Variants in TCFL5 observed in about 807,000 individuals in gnomAD.
The protein encoded by TCFL5 is transcription factor like 5, also known as transcription factor-like 5 protein.
TCFL5 carries 9 observed loss-of-function variants against 44.3 expected under a neutral mutation model. The ratio of observed to expected loss-of-function variants is 0.20; its 90% CI spans 0.12 to 0.35. The LOEUF is 0.35. Ranked by LOEUF, TCFL5 falls within the 10% of genes least tolerant of loss-of-function variation. TCFL5 has a pLI of 1.00. For missense variants in TCFL5, 603 were observed against 613.4 expected (o/e 0.98, Z 0.18); for synonymous variants, 319 against 271.6 (o/e 1.17, Z -1.72).
intron 5 of TCFL5, 58 bp downstream of exon 5, chr20:62,853,958 G>A: frequency 2.5e-6 from 4 of 1,578,626 alleles, no homozygotes; most frequent in Non-Finnish European, 3.5e-6. Flanking sequence ...GGAAAAAGGA[G>A]GGACATTGTT....
Position 62,857,351 on chromosome 20 carries a change from G to A in TCFL5, c.1238+44C>T, listed in dbSNP as rs755878536. On this transcript the variant is annotated intron_variant, in intron 4 of 5. Coordinates refer to ENST00000335351, the MANE Select transcript of TCFL5 (RefSeq NM_006602.4). Reference sequence around the variant, plus strand: ...TCTGTGATAACCATGTATGACTAAGGTAATCATATATGAGTCAGCCTGACA... The same window carrying A: ...TCTGTGATAACCATGTATGACTAAGATAATCATATATGAGTCAGCCTGACA... The A allele has an allele frequency of 4.4e-6, 7 of 1,594,672 alleles. No individual in the cohort carries two copies. The Admixed American group carries it at 1.2e-4, about 27-fold the overall frequency.
At chr20:62,850,801 G>A (rs1055022812) in intron 5 of TCFL5, among the ~76,000 whole-genome samples, 5 of 152,182 alleles carry the variant, frequency 3.3e-5, no homozygotes, top group Admixed American at 1.3e-4. Flanking sequence ...CTCTGCAGCC[G>A]GCAGGTCCTG....
At chr20:62,846,657 T>C (rs540857563) in intron 5 of TCFL5, among the ~76,000 whole-genome samples, 1 of 150,978 alleles carries the variant, frequency 6.6e-6, no homozygotes, top group South Asian at 2.1e-4. Flanking sequence ...TCCTAGCTAC[T>C]CGGGAGGCTG....
At position 62,842,130 on chromosome 20, in the gene TCFL5, A is replaced by T; in HGVS notation, c.1381-33T>A. 6.2e-7 allele frequency: 1 copy of T among 1,612,636 alleles called. No homozygotes were observed. On this transcript the variant is annotated intron_variant, in intron 5 of 5. Coordinates refer to ENST00000335351, the MANE Select transcript of TCFL5 (RefSeq NM_006602.4). This position sits in a 1 kb window ranked among gnomAD's most constrained non-coding sequence, Gnocchi z 4.3. ...GAAGAAGTGACGGTTAACATACTGAATTAACTGACATGAAAACTGCTGTCT... is the reference window on the plus strand; with the variant it reads ...GAAGAAGTGACGGTTAACATACTGATTTAACTGACATGAAAACTGCTGTCT...
chr20:62,842,194 T>G lies in TCFL5; in HGVS notation c.1381-97A>C. ...AGGTTCAAATTAAGAGCTAAGTAAA[T>G]GACTTTAGAATACGCTGTTTTAAGG... On this transcript the variant is annotated intron_variant, in intron 5 of 5. Transcript: ENST00000335351. This position sits in a 1 kb window ranked among gnomAD's most constrained non-coding sequence, Gnocchi z 4.3. 6.6e-7 allele frequency: 1 copy of G among 1,507,378 alleles called. No individual in the cohort carries two copies. The highest frequency in any genetic ancestry group is 9.0e-7 in the Non-Finnish European group (1 of 1,106,442). The allele number at this position is 1,507,378 out of a possible 1,614,324, so 93.4% of individuals were successfully genotyped here.
At chr20:62,846,186 A>T (rs1251624950) in intron 5 of TCFL5, 1 of 1,074,058 alleles carries the variant, frequency 9.3e-7, no homozygotes, top group African/African-American at 1.7e-5. Flanking sequence ...AAAAGAAGGA[A>T]GGAAGAAAAT....
chr20:62,845,857 C>T (rs374145607), intron 5 of TCFL5: 13 of 1,579,920 alleles, frequency 8.2e-6, no homozygotes, highest in Admixed American at 6.9e-5. Context: ...GATCAGTTTG[C>T]GTGTGGAGAA....
intron 5 of TCFL5, chr20:62,845,094 T>C: frequency 2.0e-6 from 2 of 987,804 alleles, no homozygotes; most frequent in African/African-American, 1.7e-5. Flanking sequence ...AATCTACACC[T>C]GCATATAAAT....
intron 5 of TCFL5, chr20:62,844,736 C>G (rs1286243266): frequency 3.5e-6 from 1 of 289,562 alleles, no homozygotes; most frequent in African/African-American, 2.3e-5. Flanking sequence ...GCTGGGATTA[C>G]AGGCACCTGC....
In TCFL5 at chr20:62,842,116, G is replaced by A. The variant is rs371604641; in HGVS notation, c.1381-19C>T. ...CAAATTCCTGCAGTGAAGAAGTGAC[G>A]GTTAACATACTGAATTAACTGACAT... On this transcript the variant is annotated intron_variant, in intron 5 of 5. Transcript: ENST00000335351. This position sits in a 1 kb window ranked among gnomAD's most constrained non-coding sequence, Gnocchi z 4.3. The A allele has an allele frequency of 2.7e-5, 44 of 1,613,636 alleles. No individual in the cohort carries two copies. The highest frequency in any genetic ancestry group is 4.5e-5 in the East Asian group (2 of 44,886).
intron 5 of TCFL5, chr20:62,845,038 T>C (rs1419411435): frequency 2.0e-6 from 2 of 986,260 alleles, no homozygotes; most frequent in East Asian, 2.3e-4. Context: ...TTTAAGCAAC[T>C]TTCCAACCAA....
intron 5 of TCFL5, among the ~76,000 whole-genome samples, chr20:62,853,149 T>C (rs975537795): frequency 6.8e-6 from 1 of 146,082 alleles, no homozygotes; most frequent in African/African-American, 2.7e-5. Flanking sequence ...GTCCACAGTA[T>C]AGTCACCCAG....
At chr20:62,846,053 A>G (rs2063738846) in intron 5 of TCFL5, 1 of 1,340,594 alleles carries the variant, frequency 7.5e-7, no homozygotes, top group Non-Finnish European at 9.9e-7. Flanking sequence ...CTTTCCATCA[A>G]CTGCTGATTT....
Position 62,846,011 on chromosome 20 carries a change from T to C in TCFL5, c.1381-3914A>G, listed in dbSNP as rs541749983. 2.5e-5 allele frequency: 35 copies of C among 1,385,084 alleles called. No individual in the cohort carries two copies. The South Asian group carries it at 4.3e-4, about 17-fold the overall frequency. The allele number at this position is 1,385,084 out of a possible 1,614,324, so 85.8% of individuals were successfully genotyped here. ...GGCTTCGTGGAGACACAGCCATTTGTGATTTGCTGTTCTGTAGGCGTGTTG... is the reference window on the plus strand; with the variant it reads ...GGCTTCGTGGAGACACAGCCATTTGCGATTTGCTGTTCTGTAGGCGTGTTG... On this transcript the variant is annotated intron_variant, in intron 5 of 5. Coordinates refer to ENST00000335351, the MANE Select transcript of TCFL5 (RefSeq NM_006602.4).
At chr20:62,860,996 C>A in intron 1 of TCFL5, 28 bp downstream of exon 1, 2 of 992,150 alleles carry the variant, frequency 2.0e-6, no homozygotes, top group Non-Finnish European at 2.4e-6. Flanking sequence ...ACCCGGGCCC[C>A]GCCAGCCCCC....
chr20:62,859,943 A>C (rs57360034), intron 2 of TCFL5, among the ~76,000 whole-genome samples, 182 bp downstream of exon 2: 3,433 of 152,178 alleles, frequency 0.023, 137 homozygotes, highest in African/African-American at 0.077. Context: ...TCCTGAACTC[A>C]AATGACCCAC....
chr20:62,847,978 G>A (rs980810707), intron 5 of TCFL5, among the ~76,000 whole-genome samples: 2 of 150,126 alleles, frequency 1.3e-5, no homozygotes, highest in Admixed American at 6.7e-5. Context: ...CCGGGCAGCC[G>A]GGCAGCCAAG....
intron 5 of TCFL5, among the ~76,000 whole-genome samples, chr20:62,849,347 A>G (rs2147258199): frequency 6.6e-6 from 1 of 152,276 alleles, no homozygotes; most frequent in South Asian, 2.1e-4. Flanking sequence ...TTGAAATTAC[A>G]CCAAAATTTA....
At chr20:62,853,023 C>A (rs968294649) in intron 5 of TCFL5, 1 of 1,259,938 alleles carries the variant, frequency 7.9e-7, no homozygotes, top group Non-Finnish European at 1.0e-6. Context: ...TATAGTCACC[C>A]GGTCCACAGA....
Sources: gnomAD v4.1 joint callset for allele counts (sites outside exome capture counted in the v4.1 genomes callset) on GRCh38, gnomAD v4.1.1 for gene constraint, Gnocchi (gnomAD v3.1) non-coding constraint, MANE v1.5 for transcripts, NCBI Gene and HGNC (gene_info 2026-07-23, HGNC 2026-07-21) for gene names.